Variants in CFAP44 observed in about 807,000 individuals in gnomAD.
CFAP44 encodes cilia and flagella associated protein 44, also known as cilia- and flagella-associated protein 44.
Under a neutral mutation model 216.2 loss-of-function variants are expected in CFAP44, and 134 were observed. The ratio of observed to expected loss-of-function variants is 0.62; its 90% CI spans 0.54 to 0.72. CFAP44 has a LOEUF of 0.72. CFAP44 is among the 30% of genes least tolerant of loss of function. The pLI, the probability that CFAP44 is intolerant of heterozygous loss-of-function variation, is 0.00. For synonymous variants in CFAP44, 700 were observed against 727.6 expected (o/e 0.96, Z 0.61); for missense variants, 2,035 against 2,182.1 (o/e 0.93, Z 1.34).
chr3:113,306,264 A>T lies in CFAP44; in HGVS notation c.4695T>A (p.Ala1565=). 6.5e-7 allele frequency: 1 copy of T among 1,536,998 alleles called. No homozygotes were observed. The highest frequency in any genetic ancestry group is 2.4e-5 in the East Asian group (1 of 40,894). Residue 1565 remains alanine (A), a synonymous_variant, in exon 30 of 35, where the codon GCT becomes GCA. Transcript: ENST00000393845. Reference sequence around the variant, plus strand: ...CAACAATTTTCTTTTCTTCAACTAAAGCCTCCTCAATGTCCAGCCTTTTCT... The same window carrying T: ...CAACAATTTTCTTTTCTTCAACTAATGCCTCCTCAATGTCCAGCCTTTTCT... ...LREKRLDIEE[A]LVEEKKIVDN...
intron 24 of CFAP44, among the ~76,000 whole-genome samples, chr3:113,338,255 C>CAAAAAAAAAAAAAAAAAAAAA (rs10574877): frequency 1.4e-4 from 6 of 43,042 alleles, no homozygotes; most frequent in African/African-American, 2.3e-4. Flanking sequence ...GACAATGTCT[C>CAAAAAAAAAAAAAAAAAAAAA]AAAAAAAAAA....
chr3:113,396,673 T>C lies in CFAP44; in HGVS notation c.1624A>G (p.Ile542Val), dbSNP rs1267484763. 1 of 1,614,068 alleles carries C rather than the reference T, an allele frequency of 6.2e-7. No individual in the cohort carries two copies. The highest frequency in any genetic ancestry group is 8.5e-7 in the Non-Finnish European group (1 of 1,179,978). Residue 542 changes from isoleucine (I) to valine (V), a missense_variant, in exon 14 of 35, where the codon ATT becomes GTT. Ile to Val is a conservative substitution (Grantham distance 29, BLOSUM62 3). Transcript: ENST00000393845. ...CCTTTTGGATCATAAAGTTCAAGAATTCGAACAACTCCATCTTCAAATCCT... is the reference window on the plus strand; with the variant it reads ...CCTTTTGGATCATAAAGTTCAAGAACTCGAACAACTCCATCTTCAAATCCT... Reference protein sequence around the residue: ...IVGFEDGVVRILELYDPKGLT... With the variant: ...IVGFEDGVVRVLELYDPKGLT...
At chr3:113,424,881 T>C (rs765363799) in intron 4 of CFAP44, among the ~76,000 whole-genome samples, 67 of 152,298 alleles carry the variant, frequency 4.4e-4, no homozygotes, top group Non-Finnish European at 4.6e-4. Context: ...CCTGGAGCAG[T>C]GAGAAGGCAG....
At chr3:113,439,847 T>A (rs1324214681) in intron 1 of CFAP44, among the ~76,000 whole-genome samples, 4 of 152,190 alleles carry the variant, frequency 2.6e-5, no homozygotes. Context: ...ATCCCAGCAG[T>A]GTGCCAGAGG....
intron 28 of CFAP44, among the ~76,000 whole-genome samples, chr3:113,310,753 T>C (rs1387373862): frequency 2.0e-5 from 3 of 152,320 alleles, no homozygotes; most frequent in Middle Eastern, 3.4e-3. Flanking sequence ...ATCCCCTCAG[T>C]GCTGTTCTCA....
chr3:113,414,847 T>C (rs1371332879), intron 6 of CFAP44, among the ~76,000 whole-genome samples: 1 of 152,056 alleles, frequency 6.6e-6, no homozygotes, highest in African/African-American at 2.4e-5. Context: ...CTCTTTCCGG[T>C]TTTGGTATCA....
chr3:113,355,381 C>A (rs573575502), intron 22 of CFAP44, among the ~76,000 whole-genome samples: 7 of 152,210 alleles, frequency 4.6e-5, no homozygotes, highest in South Asian at 4.1e-4. Flanking sequence ...ATTCGCCGGG[C>A]ATGGTGGCAG....
chr3:113,295,001 A>AT (rs11398178), intron 33 of CFAP44, among the ~76,000 whole-genome samples, 180 bp from the exon 34 acceptor site: 104,816 of 152,088 alleles, frequency 0.69, 37,160 homozygotes, highest in Admixed American at 0.79. Flanking sequence ...TTGATTAAAG[A>AT]TAAGAATATA....
At chr3:113,360,883 T>C (rs7615891) in intron 21 of CFAP44, 193,727 of 195,746 alleles carry the variant, frequency 0.99, 95,900 homozygotes, top group Middle Eastern at 1. Flanking sequence ...TCTTTTTGTG[T>C]GGTGGAAACT....
chr3:113,427,526 T>C, intron 2 of CFAP44, 187 bp from the exon 3 acceptor site: 1 of 501,366 alleles, frequency 2.0e-6, no homozygotes, highest in Non-Finnish European at 3.4e-6. Flanking sequence ...CCTTTTCTGT[T>C]TGTTAATCTC....
Position 113,358,841 on chromosome 3 carries a change from A to T in CFAP44, c.2969T>A (p.Met990Lys). Residue 990 changes from methionine to lysine, a missense_variant, in exon 22 of 35, where the codon ATG becomes AAG. Met to Lys is a moderately conservative substitution (Grantham distance 95). Coordinates refer to ENST00000393845, the MANE Select transcript of CFAP44 (RefSeq NM_001164496.2). ...FDVDSQIRAE[M>K]HRKTAFKIQQ... Reference sequence around the variant, plus strand: ...AATTTTGAAAGCTGTTTTTCTGTGCATCTCAGCACGGATTTGGGAATCTAC... The same window carrying T: ...AATTTTGAAAGCTGTTTTTCTGTGCTTCTCAGCACGGATTTGGGAATCTAC... 6.5e-7 allele frequency: 1 copy of T among 1,536,756 alleles called. No individual in the cohort carries two copies. The highest frequency in any genetic ancestry group is 1.4e-5 in the African/African-American group (1 of 73,148).
chr3:113,374,562 T>C (rs1933276373), intron 17 of CFAP44, among the ~76,000 whole-genome samples: 1 of 151,998 alleles, frequency 6.6e-6, no homozygotes, highest in Non-Finnish European at 1.5e-5. Flanking sequence ...CTCAAAGAGA[T>C]ATTTGAACAC....
chr3:113,294,992 T>G (rs1949867077), intron 33 of CFAP44, among the ~76,000 whole-genome samples, 171 bp from the exon 34 acceptor site: 1 of 76,582 alleles, frequency 1.3e-5, no homozygotes, highest in African/African-American at 3.4e-5. Context: ...GGGTCTGGTT[T>G]GATTAAAGAT....
At chr3:113,363,328 C>T in intron 20 of CFAP44, 21 bp from the exon 21 acceptor site, 1 of 1,592,624 alleles carries the variant, frequency 6.3e-7, no homozygotes, top group Non-Finnish European at 8.5e-7. Flanking sequence ...AAATTTAAAA[C>T]AATAACAGGT....
chr3:113,412,367 G>A (rs1471852411), intron 6 of CFAP44, among the ~76,000 whole-genome samples: 1 of 151,780 alleles, frequency 6.6e-6, no homozygotes, highest in East Asian at 1.9e-4. Flanking sequence ...TCTGGATCGG[G>A]ACCCCTTTTC....
chr3:113,303,963 C>T lies in CFAP44; in HGVS notation c.5030G>A (p.Arg1677His), dbSNP rs997360208. The T allele has an allele frequency of 2.2e-5, 34 of 1,537,616 alleles. No homozygotes were observed. The highest frequency in any genetic ancestry group is 1.2e-4 in the Admixed American group (6 of 50,976). Residue 1677 changes from arginine (R) to histidine (H), a missense_variant, in exon 32 of 35, where the codon CGT becomes CAT. By Grantham distance (29) the Arg-to-His change is conservative. Transcript: ENST00000393845. ...TCTCTTTTCTCGGATGAGCTGTTTA[C>T]GTCTCTCTCTCCATTCTTTGTTAAG... Reference protein sequence around the residue: ...QKLNKEWRERRKQLIREKREM... With the variant: ...QKLNKEWRERHKQLIREKREM...
At position 113,363,267 on chromosome 3, in the gene CFAP44, T is replaced by A; in HGVS notation, c.2812A>T (p.Met938Leu). Residue 938 changes from methionine to leucine, a missense_variant, in exon 21 of 35, where the codon ATG becomes TTG. Physicochemically the swap from Met to Leu is conservative, Grantham distance 15 (BLOSUM62 2). This residue lies in a region of CFAP44 where 1,883 missense variants were observed against 2,023.7 expected (regional missense o/e 0.93). Coordinates refer to ENST00000393845, the MANE Select transcript of CFAP44 (RefSeq NM_001164496.2). Reference sequence around the variant, plus strand: ...GCCTTTATTTCTCCCACTTCTTTCATTAACTTGTCATGTTCTCTTTTTCTC... The same window carrying A: ...GCCTTTATTTCTCCCACTTCTTTCAATAACTTGTCATGTTCTCTTTTTCTC... The part of the protein sequence containing the change: ...ARRKREHDKL[M>L]KEVGEIKARK... 1 of 1,612,770 alleles carries A rather than the reference T, an allele frequency of 6.2e-7. No homozygotes were observed. The highest frequency in any genetic ancestry group is 1.3e-5 in the African/African-American group (1 of 75,024).
intron 8 of CFAP44, among the ~76,000 whole-genome samples, chr3:113,404,857 C>T (rs1934235416): frequency 6.6e-6 from 1 of 152,118 alleles, no homozygotes; most frequent in Non-Finnish European, 1.5e-5. Context: ...CATTCTAATC[C>T]AAGCAAGGTG....
chr3:113,431,453 C>G (rs1014442523), intron 2 of CFAP44, among the ~76,000 whole-genome samples: 2 of 151,988 alleles, frequency 1.3e-5, no homozygotes. Flanking sequence ...AAAACACTGC[C>G]GAGGACTGGA....
Sources: gnomAD v4.1 joint callset for allele counts (sites outside exome capture counted in the v4.1 genomes callset) on GRCh38, gnomAD v4.1.1 for gene constraint, gnomAD v4.1.1 regional missense constraint, MANE v1.5 for transcripts, NCBI Gene and HGNC (gene_info 2026-07-23, HGNC 2026-07-21) for gene names.